Variants in EYA2 observed in about 807,000 individuals in gnomAD.
EYA2 encodes the protein EYA transcriptional coactivator and phosphatase 2.
EYA2 carries 31 observed loss-of-function variants against 69.2 expected under a neutral mutation model. The observed-to-expected ratio is 0.45, with a 90% confidence interval of 0.34 to 0.60. The LOEUF is 0.60. Among genes scored for constraint, EYA2 ranks in the 20% least tolerant of loss-of-function variants. The probability of loss-of-function intolerance (pLI) is 0.02; values close to 1 mark genes in which losing one functional copy is unlikely to be tolerated. For missense variants in EYA2, 622 were observed against 701.2 expected (o/e 0.89, Z 1.28); for synonymous variants, 257 against 279.4 (o/e 0.92, Z 0.80).
intron 1 of EYA2, among the ~76,000 whole-genome samples, chr20:46,943,012 C>T (rs960798548): frequency 5.3e-5 from 8 of 152,158 alleles, no homozygotes; most frequent in African/African-American, 1.9e-4. Flanking sequence ...GTGATCTGCC[C>T]GCCTCGGCCT....
chr20:47,125,178 C>T (rs1017231522), intron 9 of EYA2, among the ~76,000 whole-genome samples: 1 of 151,622 alleles, frequency 6.6e-6, no homozygotes, highest in Non-Finnish European at 1.5e-5. Context: ...CTTAGCCTCC[C>T]GAGTAGCTGG....
chr20:46,940,888 C>A lies in EYA2; in HGVS notation c.-11+45901C>A, dbSNP rs527784115. ...TCCACGGGCAACCCGCAGAACGGGG[C>A]CAGTGACCCCGGGGTGAAAGGTTTG... On this transcript the variant is annotated intron_variant, in intron 1 of 15. Coordinates refer to ENST00000327619, the MANE Select transcript of EYA2 (RefSeq NM_005244.5). 2.0e-5 allele frequency among the ~76,000 whole-genome samples: 3 copies of A among 152,326 alleles called. No homozygotes were observed. The East Asian group carries it at 5.8e-4, about 29-fold the overall frequency.
intron 8 of EYA2, among the ~76,000 whole-genome samples, chr20:47,091,576 C>CAA (rs11313572): frequency 2.0e-4 from 17 of 83,232 alleles, no homozygotes; most frequent in South Asian, 4.9e-4. Flanking sequence ...CCATCTCTAC[C>CAA]AAAAAAAAAA....
At chr20:46,933,587 A>T (rs935426703) in intron 1 of EYA2, among the ~76,000 whole-genome samples, 2 of 152,236 alleles carry the variant, frequency 1.3e-5, no homozygotes, top group African/African-American at 4.8e-5. Context: ...GCAACTCTGG[A>T]CACAGCTAAG....
intron 9 of EYA2, among the ~76,000 whole-genome samples, chr20:47,106,430 A>G (rs963293011): frequency 2.0e-5 from 3 of 152,184 alleles, no homozygotes; most frequent in Admixed American, 2.0e-4. Context: ...CTGTAACGCA[A>G]TGGAATTCCT....
intron 9 of EYA2, among the ~76,000 whole-genome samples, chr20:47,098,617 G>A (rs1367279342): frequency 6.6e-6 from 1 of 152,108 alleles, no homozygotes; most frequent in East Asian, 1.9e-4. Flanking sequence ...TTCCTTTCTG[G>A]GCCCCATGTC....
At chr20:47,127,798 C>T (rs1181444982) in intron 9 of EYA2, among the ~76,000 whole-genome samples, 3 of 152,186 alleles carry the variant, frequency 2.0e-5, no homozygotes, top group Admixed American at 6.5e-5. Flanking sequence ...AGAATTCAAG[C>T]TTCTTAGAGC....
chr20:47,069,907 A>G (rs558604092), intron 5 of EYA2, among the ~76,000 whole-genome samples: 20 of 152,156 alleles, frequency 1.3e-4, no homozygotes, highest in African/African-American at 4.6e-4. Context: ...CTTAATCCAC[A>G]CTGTATACAA....
At chr20:46,938,824 G>A (rs993054045) in intron 1 of EYA2, among the ~76,000 whole-genome samples, 5 of 152,098 alleles carry the variant, frequency 3.3e-5, no homozygotes, top group Non-Finnish European at 7.4e-5. Context: ...GACCAGGGAG[G>A]CAGAGACCAC....
intron 1 of EYA2, among the ~76,000 whole-genome samples, chr20:46,898,710 T>TA (rs1983941665): frequency 6.6e-6 from 1 of 152,166 alleles, no homozygotes; most frequent in Non-Finnish European, 1.5e-5. Context: ...AGGTGGTAAA[T>TA]ACTTGAAGTG....
At chr20:47,036,941 A>G (rs541073267) in intron 5 of EYA2, among the ~76,000 whole-genome samples, 1 of 152,320 alleles carries the variant, frequency 6.6e-6, no homozygotes, top group Non-Finnish European at 1.5e-5. Flanking sequence ...TTGTTTTCAC[A>G]CTGCTATAAA....
chr20:47,113,071 C>G (rs1363987109), intron 9 of EYA2, among the ~76,000 whole-genome samples: 8 of 151,728 alleles, frequency 5.3e-5, no homozygotes, highest in Non-Finnish European at 1.0e-4. Context: ...GGGGGTTTCA[C>G]CATGTTGACC....
intron 1 of EYA2, among the ~76,000 whole-genome samples, chr20:46,940,834 C>CA (rs1443220323): frequency 6.6e-6 from 1 of 152,216 alleles, no homozygotes; most frequent in African/African-American, 2.4e-5. Context: ...AAGACCTCCA[C>CA]AGCTGTCAGA....
Position 47,183,317 on chromosome 20 carries a change from A to G in EYA2, c.1462A>G (p.Met488Val). 2.5e-6 allele frequency: 4 copies of G among 1,614,146 alleles called. No individual in the cohort carries two copies. The highest frequency in any genetic ancestry group is 3.4e-6 in the Non-Finnish European group (4 of 1,180,018). ...GAAGGAGAGCTGCTTCGAGAGGATA[A>G]TGCAGAGATTCGGCAGAAAAGCTGT... is the stretch of plus-strand genomic sequence containing the variant. ...TGKESCFERI[M>V]QRFGRKAVYV... Residue 488 changes from methionine (M) to valine (V), a missense_variant, in exon 15 of 16, where the codon ATG becomes GTG. Met to Val is a conservative substitution (Grantham distance 21, BLOSUM62 1). Coordinates refer to ENST00000327619, the MANE Select transcript of EYA2 (RefSeq NM_005244.5).
At chr20:46,976,000 G>T (rs1980435090) in intron 1 of EYA2, among the ~76,000 whole-genome samples, 1 of 152,184 alleles carries the variant, frequency 6.6e-6, no homozygotes, top group Non-Finnish European at 1.5e-5. Context: ...GACTCCCTAG[G>T]ACTCAGTCCG....
At chr20:46,977,442 G>A (rs1352532504) in intron 1 of EYA2, among the ~76,000 whole-genome samples, 1 of 152,192 alleles carries the variant, frequency 6.6e-6, no homozygotes, top group Non-Finnish European at 1.5e-5. Flanking sequence ...ACTCTGAAAT[G>A]CCAACTTCAG....
At chr20:46,903,485 C>T (rs1217312060) in intron 1 of EYA2, among the ~76,000 whole-genome samples, 1 of 152,172 alleles carries the variant, frequency 6.6e-6, no homozygotes, top group Non-Finnish European at 1.5e-5. Flanking sequence ...TCAGACTTTC[C>T]AAACCTCAGC....
intron 1 of EYA2, among the ~76,000 whole-genome samples, chr20:46,908,870 CTTTTTTTTTTTTTTTTTT>C (rs56834738): frequency 3.8e-4 from 18 of 47,582 alleles, no homozygotes; most frequent in East Asian, 1.2e-3. Context: ...CTCTCCCGCA[CTTTTTTTTTTTTTTTTTT>C]TTTTTTTTTT....
At chr20:47,066,091 G>A (rs1428791498) in intron 5 of EYA2, among the ~76,000 whole-genome samples, 1 of 152,156 alleles carries the variant, frequency 6.6e-6, no homozygotes, top group African/African-American at 2.4e-5. Flanking sequence ...TGTAATCTGA[G>A]CATTTAGGGA....
Sources: gnomAD v4.1 joint callset for allele counts (sites outside exome capture counted in the v4.1 genomes callset) on GRCh38, gnomAD v4.1.1 for gene constraint, MANE v1.5 for transcripts, NCBI Gene and HGNC (gene_info 2026-07-23, HGNC 2026-07-21) for gene names.